Variants in CNTNAP2 observed in about 807,000 individuals in gnomAD.
The protein encoded by CNTNAP2 is contactin associated protein 2, also known as contactin-associated protein-like 2.
A neutral mutation model predicts 155.2 loss-of-function variants in CNTNAP2; 98 were observed. The observed-to-expected ratio is 0.63, with a 90% confidence interval of 0.54 to 0.75. CNTNAP2 has a LOEUF of 0.75. Ranked by LOEUF, CNTNAP2 falls within the 30% of genes least tolerant of loss-of-function variation. The pLI, the probability that CNTNAP2 is intolerant of heterozygous loss-of-function variation, is 0.00. For synonymous variants in CNTNAP2, 651 were observed against 631.2 expected (o/e 1.03, Z -0.47); for missense variants, 1,727 against 1,688.1 (o/e 1.02, Z -0.40).
chr7:146,209,992 G>C (rs531475948), intron 1 of CNTNAP2, among the ~76,000 whole-genome samples: 37 of 152,216 alleles, frequency 2.4e-4, no homozygotes, highest in Non-Finnish European at 4.0e-4. Context: ...TGCTCCCCTA[G>C]ATGCCTGAAG....
chr7:146,353,333 G>C (rs1285709921), intron 1 of CNTNAP2, among the ~76,000 whole-genome samples: 1 of 152,108 alleles, frequency 6.6e-6, no homozygotes, highest in African/African-American at 2.4e-5. Flanking sequence ...CTTGGCTTCA[G>C]ACATTACTTG....
At chr7:146,121,976 T>C (rs1797569927) in intron 1 of CNTNAP2, among the ~76,000 whole-genome samples, 1 of 152,202 alleles carries the variant, frequency 6.6e-6, no homozygotes, top group Non-Finnish European at 1.5e-5. Flanking sequence ...GTAGAAGCTA[T>C]ATGTTTTAGT....
intron 14 of CNTNAP2, among the ~76,000 whole-genome samples, chr7:147,919,032 T>C (rs2538957): frequency 0.76 from 115,768 of 151,988 alleles, 44,805 homozygotes; most frequent in African/African-American, 0.89. Flanking sequence ...GACCCTTTCC[T>C]GGCTGTGATC....
At chr7:147,553,473 C>T (rs1037081377) in intron 11 of CNTNAP2, among the ~76,000 whole-genome samples, 1 of 152,144 alleles carries the variant, frequency 6.6e-6, no homozygotes, top group Non-Finnish European at 1.5e-5. Flanking sequence ...CCTAAATCAA[C>T]TTATCCAGTT....
intron 13 of CNTNAP2, among the ~76,000 whole-genome samples, chr7:147,697,888 G>T (rs1273224752): frequency 6.6e-6 from 1 of 152,156 alleles, no homozygotes; most frequent in Non-Finnish European, 1.5e-5. Context: ...TATTTACTGT[G>T]AGAAGCTGGC....
At chr7:146,408,682 T>G (rs1304894698) in intron 1 of CNTNAP2, among the ~76,000 whole-genome samples, 1 of 150,152 alleles carries the variant, frequency 6.7e-6, no homozygotes, top group Non-Finnish European at 1.5e-5. Flanking sequence ...AAATGACGAG[T>G]TAATGGGTGC....
chr7:146,680,193 C>G (rs1269591784), intron 1 of CNTNAP2, among the ~76,000 whole-genome samples: 4 of 152,092 alleles, frequency 2.6e-5, no homozygotes, highest in Non-Finnish European at 5.9e-5. Context: ...GTGATTTTGT[C>G]AAGGGCAGTT....
chr7:147,577,508 G>T (rs1262730139), intron 12 of CNTNAP2, among the ~76,000 whole-genome samples: 1 of 151,656 alleles, frequency 6.6e-6, no homozygotes, highest in Non-Finnish European at 1.5e-5. Context: ...CCTATCTGTA[G>T]CCCCCATTCT....
chr7:146,893,035 T>A (rs564145445), intron 3 of CNTNAP2, among the ~76,000 whole-genome samples: 7 of 152,246 alleles, frequency 4.6e-5, no homozygotes, highest in South Asian at 2.1e-4. Flanking sequence ...AAAATATATA[T>A]TGTTTGTAAA....
chr7:147,409,329 G>A (rs1797062993), intron 10 of CNTNAP2, among the ~76,000 whole-genome samples: 2 of 152,152 alleles, frequency 1.3e-5, no homozygotes, highest in African/African-American at 4.8e-5. Flanking sequence ...AAATGGTGCT[G>A]GGATAACTGG....
At chr7:147,159,515 A>G (rs138733373) in intron 8 of CNTNAP2, among the ~76,000 whole-genome samples, 356 of 152,176 alleles carry the variant, frequency 2.3e-3, no homozygotes, top group Non-Finnish European at 3.5e-3. Context: ...ACTTTTTAAA[A>G]CATATAACCA....
chr7:148,008,402 T>C, intron 15 of CNTNAP2, among the ~76,000 whole-genome samples: 1 of 152,046 alleles, frequency 6.6e-6, no homozygotes, highest in Admixed American at 6.6e-5. Flanking sequence ...AAAAAACATT[T>C]GAAGCATTGA....
rs114718360 is a variant in CNTNAP2, at chr7:147,543,321, C to T, written c.1778-18817C>T. ...CCTTTAAGCGGTTTTCTGCCCTGGGCGGGCTAAGTGTTCCTTGCCTTCATT... is the reference window on the plus strand; with the variant it reads ...CCTTTAAGCGGTTTTCTGCCCTGGGTGGGCTAAGTGTTCCTTGCCTTCATT... On this transcript the variant is annotated intron_variant, in intron 11 of 23. Coordinates refer to ENST00000361727, the MANE Select transcript of CNTNAP2 (RefSeq NM_014141.6). 6.2e-3 allele frequency among the ~76,000 whole-genome samples: 945 copies of T among 152,272 alleles called. 8 individuals carry two copies. Among genetic ancestry groups the T allele is most frequent in the African/African-American group, 0.022 (907 of 41,558 alleles).
intron 9 of CNTNAP2, among the ~76,000 whole-genome samples, chr7:147,370,976 T>C (rs998531683): frequency 2.0e-5 from 3 of 152,156 alleles, no homozygotes; most frequent in African/African-American, 4.8e-5. Flanking sequence ...TATGTTTTTG[T>C]TTGTTTAGCT....
At chr7:147,169,336 A>T (rs1802181179) in intron 8 of CNTNAP2, among the ~76,000 whole-genome samples, 2 of 152,296 alleles carry the variant, frequency 1.3e-5, no homozygotes, top group South Asian at 4.1e-4. Context: ...GTTAAATGGA[A>T]ATATTGCATG....
At chr7:148,066,844 G>A (rs1289297168) in intron 15 of CNTNAP2, among the ~76,000 whole-genome samples, 1 of 152,078 alleles carries the variant, frequency 6.6e-6, no homozygotes, top group East Asian at 1.9e-4. Flanking sequence ...TAATTCAAAA[G>A]CCTCGTCTTT....
chr7:147,680,194 G>C (rs1057385696), intron 13 of CNTNAP2, among the ~76,000 whole-genome samples: 5 of 151,848 alleles, frequency 3.3e-5, no homozygotes, highest in Admixed American at 1.3e-4. Context: ...TTTCTGTAAG[G>C]AAATAGTGGG....
chr7:146,185,808 C>G (rs1798615578), intron 1 of CNTNAP2, among the ~76,000 whole-genome samples: 1 of 137,202 alleles, frequency 7.3e-6, no homozygotes, highest in Non-Finnish European at 1.5e-5. Context: ...TTTCTGTGGG[C>G]TAAAGTAGGC....
rs200069487 is a variant in CNTNAP2, at chr7:147,531,806, C to CTT, written c.1778-30317_1778-30316dup. On this transcript the variant is annotated intron_variant, in intron 11 of 23. Coordinates refer to ENST00000361727, the MANE Select transcript of CNTNAP2 (RefSeq NM_014141.6). ...TCCCCAGAAAATGGGTTTTTCTTTT[C>CTT]TTTTTTTTTTTTTTTTCCGAGACAA... Among the ~76,000 whole-genome samples, 560 of 129,670 alleles carry CTT rather than the reference C, an allele frequency of 4.3e-3. 3 individuals are homozygous for CTT. The highest frequency in any genetic ancestry group is 0.015 in the African/African-American group (524 of 35,160). 85.1% of individuals were successfully genotyped at this position (129,670 alleles called of 152,430 possible).
Sources: allele counts gnomAD v4.1 joint callset (sites outside exome capture counted in the v4.1 genomes callset), GRCh38; gene constraint gnomAD v4.1.1; transcripts MANE v1.5; gene names NCBI Gene and HGNC (gene_info 2026-07-23, HGNC 2026-07-21).